The following SLC13A4 variants were observed in gnomAD, a reference collection of about 807,000 sequenced individuals.
The protein encoded by SLC13A4 is solute carrier family 13 member 4.
SLC13A4 carries 28 observed loss-of-function variants against 72.7 expected under a neutral mutation model. The observed-to-expected ratio is 0.39, with a 90% CI of 0.29 to 0.53. The LOEUF is 0.53. Ranked by LOEUF, SLC13A4 falls within the 20% of genes least tolerant of loss-of-function variation. SLC13A4 has a pLI of 0.78. For synonymous variants in SLC13A4, 312 were observed against 325.5 expected (o/e 0.96, Z 0.45); for missense variants, 653 against 788.0 (o/e 0.83, Z 2.05).
intron 3 of SLC13A4, among the ~76,000 whole-genome samples, chr7:135,706,685 T>C (rs1029913631): frequency 6.6e-6 from 1 of 152,212 alleles, no homozygotes; most frequent in Admixed American, 6.5e-5. Flanking sequence ...TTGTTTGCCC[T>C]CGCAGCCAGC....
At chr7:135,689,311 A>G (rs955158714) in intron 13 of SLC13A4, among the ~76,000 whole-genome samples, 10 of 152,206 alleles carry the variant, frequency 6.6e-5, no homozygotes, top group Middle Eastern at 3.2e-3. Flanking sequence ...TTGATGGCAT[A>G]TATATAGGAT....
Position 135,705,632 on chromosome 7 carries a change from C to G in SLC13A4, c.557G>C (p.Ser186Thr). The G allele has an allele frequency of 6.2e-7, 1 of 1,614,088 alleles. No homozygotes were observed. The highest frequency in any genetic ancestry group is 1.3e-5 in the African/African-American group (1 of 75,046). ...AAAGATGAGTTCCAGAGAAGGTTGGCTGTTCTTTACATCCAGACCTATGAG... is the reference window on the plus strand; with the variant it reads ...AAAGATGAGTTCCAGAGAAGGTTGGGTGTTCTTTACATCCAGACCTATGAG... Reference protein sequence around the residue: ...AEPISLDVKNSQPSLELIFVN... With the variant: ...AEPISLDVKNTQPSLELIFVN... Residue 186 changes from serine (S) to threonine (T), a missense_variant, in exon 5 of 16, where the codon AGC becomes ACC. Physicochemically the swap from Ser to Thr is moderately conservative, Grantham distance 58. Transcript: ENST00000682651.
At position 135,715,139 on chromosome 7, in the gene SLC13A4, G is replaced by A. The variant is rs549284370; in HGVS notation, c.228+6256C>T. On this transcript the variant is annotated intron_variant, in intron 2 of 15. Coordinates refer to ENST00000682651, the MANE Select transcript of SLC13A4 (RefSeq NM_001318192.2). ...AGTTTATGTGTGTATGCGTGTGTGA[G>A]AATGTGTGTATGAGTGTGTGAGAGT... is the stretch of plus-strand genomic sequence containing the variant. Among the ~76,000 whole-genome samples, 3 of 151,574 alleles carry A rather than the reference G, an allele frequency of 2.0e-5. No individual in the cohort carries two copies. In the East Asian group the frequency reaches 5.8e-4, roughly 29 times the overall value.
At chr7:135,692,256 C>A in intron 11 of SLC13A4, 67 bp downstream of exon 11, 1 of 1,102,926 alleles carries the variant, frequency 9.1e-7, no homozygotes, top group Non-Finnish European at 1.4e-6. Context: ...CCCTGAGAGT[C>A]TATGAAGTCT....
intron 3 of SLC13A4, 21 bp downstream of exon 3, chr7:135,708,093 G>T: frequency 6.2e-7 from 1 of 1,608,878 alleles, no homozygotes; most frequent in South Asian, 1.1e-5. Flanking sequence ...CCTATGTCCT[G>T]GCATCCCAAA....
intron 8 of SLC13A4, among the ~76,000 whole-genome samples, chr7:135,697,179 G>A (rs748592665): frequency 6.6e-6 from 1 of 152,256 alleles, no homozygotes; most frequent in Non-Finnish European, 1.5e-5. Flanking sequence ...GTGGCCCTGT[G>A]TCCCTGTACA....
chr7:135,691,815 T>C (rs1477467235), intron 11 of SLC13A4, 170 bp from the exon 12 acceptor site: 3 of 566,698 alleles, frequency 5.3e-6, no homozygotes, highest in East Asian at 3.0e-5. Flanking sequence ...TTGGATTTAA[T>C]GGGCAATGGC....
intron 13 of SLC13A4, 129 bp from the exon 14 acceptor site, chr7:135,685,812 T>A: frequency 1.2e-6 from 1 of 815,242 alleles, no homozygotes; most frequent in Non-Finnish European, 2.0e-6. Flanking sequence ...TTAGTCTGAC[T>A]GGAACCAGAG....
chr7:135,698,880 G>A (rs1312072695), intron 8 of SLC13A4, among the ~76,000 whole-genome samples: 6 of 151,870 alleles, frequency 4.0e-5, no homozygotes, highest in Non-Finnish European at 7.4e-5. Context: ...TGATGCGCCT[G>A]CCTTGGCCTC....
chr7:135,699,586 T>C lies in SLC13A4; in HGVS notation c.715-38A>G, dbSNP rs373057409. 7 of 1,548,352 alleles carry C rather than the reference T, an allele frequency of 4.5e-6. No homozygotes were observed. The African/African-American group carries it at 9.5e-5, about 21-fold the overall frequency. On this transcript the variant is annotated intron_variant, in intron 7 of 15. Transcript: ENST00000682651. ...AATCAGCAAATCTGTCCAACCCAGCTTGGGCTGTCTGGCCGAAGCATGAGA... is the reference window on the plus strand; with the variant it reads ...AATCAGCAAATCTGTCCAACCCAGCCTGGGCTGTCTGGCCGAAGCATGAGA...
chr7:135,720,719 T>C (rs1584741994), intron 2 of SLC13A4, among the ~76,000 whole-genome samples: 1 of 152,142 alleles, frequency 6.6e-6, no homozygotes. Flanking sequence ...TCTTTTTCCC[T>C]ACTCATGGCA....
At chr7:135,687,225 CCTCT>C (rs78399388) in intron 13 of SLC13A4, among the ~76,000 whole-genome samples, 5,329 of 152,200 alleles carry the variant, frequency 0.035, 105 homozygotes, top group Middle Eastern at 0.082. Context: ...TGCCTCCCTT[CCTCT>C]CTCTCTTCTA....
At chr7:135,708,349 C>T (rs1184726208) in intron 2 of SLC13A4, 99 bp from the exon 3 acceptor site, 9 of 1,513,268 alleles carry the variant, frequency 5.9e-6, no homozygotes, top group Non-Finnish European at 8.1e-6. Context: ...AACCTGTTCT[C>T]AATCAAAGAG....
At chr7:135,716,176 C>CGAAG (rs1563169711) in intron 2 of SLC13A4, among the ~76,000 whole-genome samples, 3 of 145,850 alleles carry the variant, frequency 2.1e-5, no homozygotes, top group Middle Eastern at 3.8e-3. Context: ...GGACTTATGT[C>CGAAG]CCCTTAAGTC....
intron 2 of SLC13A4, among the ~76,000 whole-genome samples, chr7:135,709,259 A>G (rs931690443): frequency 1.3e-5 from 2 of 151,720 alleles, no homozygotes; most frequent in African/African-American, 2.4e-5. Context: ...ATAATTCCCA[A>G]TAATTCTCAA....
chr7:135,725,089 G>A (rs550429696), intron 1 of SLC13A4, among the ~76,000 whole-genome samples: 1 of 152,180 alleles, frequency 6.6e-6, no homozygotes, highest in African/African-American at 2.4e-5. Context: ...GCAGGTATGT[G>A]GGGGTTGGGC....
intron 15 of SLC13A4, chr7:135,683,489 C>CT: frequency 2.0e-6 from 2 of 980,804 alleles, no homozygotes; most frequent in Non-Finnish European, 2.4e-6. Context: ...TCCCCCCCCG[C>CT]TCAGCCCTGG....
chr7:135,691,890 TG>T (rs1411913132), intron 11 of SLC13A4: 1 of 472,812 alleles, frequency 2.1e-6, no homozygotes, highest in Non-Finnish European at 3.8e-6. Context: ...GCCCGTTAAT[TG>T]GGGCAAGTCC....
chr7:135,707,414 C>G (rs1796189499), intron 3 of SLC13A4: 1 of 152,194 alleles, frequency 6.6e-6, no homozygotes. Flanking sequence ...ATCTAAATGA[C>G]TCATACTGAG....
Sources: allele counts gnomAD v4.1 joint callset (sites outside exome capture counted in the v4.1 genomes callset), GRCh38; gene constraint gnomAD v4.1.1; transcripts MANE v1.5; gene names NCBI Gene and HGNC (gene_info 2026-07-23, HGNC 2026-07-21).